Variants in EDA observed in about 807,000 individuals in gnomAD.
The protein encoded by EDA is ectodysplasin A, also known as ectodysplasin-A.
Under a neutral mutation model 23.6 loss-of-function variants are expected in EDA, and 2 were observed. The observed-to-expected ratio is 0.08, with a 90% confidence interval of 0.03 to 0.27. The LOEUF (loss-of-function observed/expected upper bound fraction) is 0.27, where lower values mean the gene tolerates loss of function less well. EDA is among the 10% of genes least tolerant of loss of function. EDA has a pLI of 1.00. For synonymous variants in EDA, 131 were observed against 132.0 expected, an observed-to-expected ratio of 0.99 and a Z score of 0.05; for missense variants, 229 against 324.2, an observed-to-expected ratio of 0.71 and a Z score of 2.26.
At chrX:69,670,005 A>G (rs1037977369) in intron 1 of EDA, among the ~76,000 whole-genome samples, 2 of 111,330 alleles carry the variant, frequency 1.8e-5, no homozygotes. Flanking sequence ...TTAGATTTTC[A>G]TATGTGTTCA....
At chrX:69,971,858 G>T (rs1444472615) in intron 2 of EDA, among the ~76,000 whole-genome samples, 5 of 110,811 alleles carry the variant, frequency 4.5e-5, no homozygotes, top group Admixed American at 3.9e-4. Flanking sequence ...AAAACATGCT[G>T]CAGGCCCAAT....
chrX:69,758,402 G>C (rs2014191968), intron 1 of EDA, among the ~76,000 whole-genome samples: 1 of 112,226 alleles, frequency 8.9e-6, no homozygotes, highest in Non-Finnish European at 1.9e-5. Context: ...GGTGTTAGCT[G>C]TTTATGTCCT....
At chrX:69,793,143 G>A (rs1257206120) in intron 1 of EDA, among the ~76,000 whole-genome samples, 1 of 111,786 alleles carries the variant, frequency 8.9e-6, no homozygotes, top group Non-Finnish European at 1.9e-5. Context: ...TGATTTTTGT[G>A]TAAGGTGAAA....
At chrX:69,969,136 C>T (rs761004214) in intron 2 of EDA, among the ~76,000 whole-genome samples, 2 of 112,283 alleles carry the variant, frequency 1.8e-5, no homozygotes, top group South Asian at 7.3e-4. Flanking sequence ...CAGATCTATT[C>T]TCCCTATAGC....
At chrX:69,825,583 C>T (rs2016398597) in intron 1 of EDA, among the ~76,000 whole-genome samples, 1 of 112,429 alleles carries the variant, frequency 8.9e-6, no homozygotes. Context: ...TTTGATTCTT[C>T]TCTCTTTTTC....
At chrX:69,700,361 T>A (rs2011501411) in intron 1 of EDA, among the ~76,000 whole-genome samples, 1 of 111,364 alleles carries the variant, frequency 9.0e-6, no homozygotes. Flanking sequence ...AGAATCAGGG[T>A]GTAAAGGAAT....
intron 1 of EDA, among the ~76,000 whole-genome samples, chrX:69,878,853 C>T (rs1017932235): frequency 1.8e-5 from 2 of 110,215 alleles, no homozygotes; most frequent in Non-Finnish European, 3.8e-5. Flanking sequence ...ATTAGAAGGC[C>T]TTCTTGCCTC....
chrX:69,910,382 T>A (rs200878378), intron 1 of EDA, among the ~76,000 whole-genome samples: 1,910 of 66,935 alleles, frequency 0.029, 13 homozygotes, highest in Non-Finnish European at 0.032. Flanking sequence ...AGAGTGTGTG[T>A]GTGTGTGTGT....
intron 3 of EDA, among the ~76,000 whole-genome samples, chrX:70,026,492 G>A (rs1195042801): frequency 2.7e-5 from 3 of 111,715 alleles, no homozygotes; most frequent in African/African-American, 9.8e-5. Context: ...AAGACTTTGG[G>A]AAGCTGGATT....
chrX:69,884,863 AC>A (rs2017804513), intron 1 of EDA, among the ~76,000 whole-genome samples: 2 of 111,673 alleles, frequency 1.8e-5, no homozygotes, highest in African/African-American at 3.3e-5. Flanking sequence ...TTATATAGTT[AC>A]TCTATGTTTC....
At chrX:69,753,327 G>T (rs372494864) in intron 1 of EDA, among the ~76,000 whole-genome samples, 1 of 111,914 alleles carries the variant, frequency 8.9e-6, no homozygotes, top group African/African-American at 3.2e-5. Flanking sequence ...TCTTCATTTC[G>T]TTATGTACCC....
chrX:69,836,240 G>A (rs146717014), intron 1 of EDA, among the ~76,000 whole-genome samples: 189 of 112,451 alleles, frequency 1.7e-3, no homozygotes, highest in African/African-American at 5.6e-3. Flanking sequence ...CTCAAACGTC[G>A]TGCTGAGAGA....
chrX:69,816,813 C>T (rs765429847), intron 1 of EDA, among the ~76,000 whole-genome samples: 1 of 111,702 alleles, frequency 9.0e-6, no homozygotes, highest in African/African-American at 3.3e-5. Flanking sequence ...ACAACTTCCT[C>T]AACCTAGCAA....
At chrX:69,702,579 G>A (rs570585015) in intron 1 of EDA, among the ~76,000 whole-genome samples, 20 of 110,082 alleles carry the variant, frequency 1.8e-4, no homozygotes, top group East Asian at 8.7e-4. Context: ...GAGGAGGCTT[G>A]GGGGACTAAA....
chrX:70,030,145 C>A (rs191983208), intron 5 of EDA, among the ~76,000 whole-genome samples: 57 of 112,141 alleles, frequency 5.1e-4, no homozygotes, highest in Non-Finnish European at 8.6e-4. Flanking sequence ...GCTTGCAGGG[C>A]AATTTTATAT....
At chrX:69,680,392 T>G (rs201990350) in intron 1 of EDA, among the ~76,000 whole-genome samples, 1 of 35,900 alleles carries the variant, frequency 2.8e-5, no homozygotes, top group South Asian at 1.5e-3. Context: ...CTTTCTGTCT[T>G]GTTGATCTGT....
intron 1 of EDA, among the ~76,000 whole-genome samples, chrX:69,673,322 C>G (rs1311415361): frequency 2.7e-5 from 3 of 111,167 alleles, no homozygotes; most frequent in African/African-American, 9.8e-5. Flanking sequence ...AATAGTTGAA[C>G]CAGCAAAGCT....
intron 2 of EDA, among the ~76,000 whole-genome samples, chrX:69,981,781 T>C (rs2019412024): frequency 8.9e-6 from 1 of 112,208 alleles, no homozygotes; most frequent in Non-Finnish European, 1.9e-5. Flanking sequence ...ACAAGAAAAC[T>C]ATGGCTCAGA....
At chrX:70,019,973 A>G (rs1358107471) in intron 2 of EDA, among the ~76,000 whole-genome samples, 1 of 111,963 alleles carries the variant, frequency 8.9e-6, no homozygotes, top group Admixed American at 9.5e-5. Flanking sequence ...GAAAAAATAT[A>G]AAAATTTTAG....
Sources: allele counts gnomAD v4.1 joint callset (sites outside exome capture counted in the v4.1 genomes callset), GRCh38; gene constraint gnomAD v4.1.1; transcripts MANE v1.5; gene names NCBI Gene and HGNC (gene_info 2026-07-23, HGNC 2026-07-21).